The following MEF2A variants were observed in gnomAD, a reference collection of about 807,000 sequenced individuals.
MEF2A encodes myocyte enhancer factor 2A.
In MEF2A, 28 loss-of-function variants were observed where a neutral mutation model predicts 55.8. The ratio of observed to expected loss-of-function variants is 0.50; its 90% confidence interval spans 0.37 to 0.69. The LOEUF (loss-of-function observed/expected upper bound fraction) is 0.69, where lower values mean the gene tolerates loss of function less well. MEF2A is among the 30% of genes least tolerant of loss of function. The probability of loss-of-function intolerance (pLI) is 0.00; values close to 1 mark genes in which losing one functional copy is unlikely to be tolerated. For synonymous variants in MEF2A, 239 were observed against 227.1 expected (o/e 1.05, Z -0.47); for missense variants, 528 against 626.2 (o/e 0.84, Z 1.67).
intron 4 of MEF2A, among the ~76,000 whole-genome samples, chr15:99,646,141 T>C (rs908775595): frequency 1.3e-5 from 2 of 152,174 alleles, no homozygotes; most frequent in African/African-American, 4.8e-5. Context: ...CTCACAACTT[T>C]AAACACTTAA....
chr15:99,708,783 C>G (rs552761500), intron 10 of MEF2A, among the ~76,000 whole-genome samples: 1 of 152,118 alleles, frequency 6.6e-6, no homozygotes, highest in Non-Finnish European at 1.5e-5. Context: ...TGTCTCAGCT[C>G]GGACAGGAAG....
intron 8 of MEF2A, among the ~76,000 whole-genome samples, chr15:99,700,508 T>C (rs1178688700): frequency 6.6e-6 from 1 of 151,512 alleles, no homozygotes; most frequent in African/African-American, 2.4e-5. Context: ...CGAGACCCTG[T>C]CACACACACA....
intron 6 of MEF2A, 135 bp from the exon 7 acceptor site, chr15:99,675,264 T>G: frequency 7.8e-6 from 6 of 769,330 alleles, no homozygotes; most frequent in East Asian, 2.6e-5. Context: ...AACTTCAGAC[T>G]GAGCTAGTTT....
chr15:99,660,474 C>A (rs538229540), intron 4 of MEF2A, among the ~76,000 whole-genome samples: 1 of 152,198 alleles, frequency 6.6e-6, no homozygotes, highest in South Asian at 2.1e-4. Flanking sequence ...CCCACATAAT[C>A]TTCGTACTCT....
intron 1 of MEF2A, among the ~76,000 whole-genome samples, chr15:99,577,773 AT>A (rs986002375): frequency 4.0e-5 from 6 of 151,712 alleles, no homozygotes; most frequent in Admixed American, 2.6e-4. Flanking sequence ...ATATTAACTC[AT>A]TTTTTTTGTT....
At chr15:99,694,026 A>G (rs997498882) in intron 8 of MEF2A, among the ~76,000 whole-genome samples, 3 of 152,150 alleles carry the variant, frequency 2.0e-5, no homozygotes, top group African/African-American at 7.2e-5. Context: ...TGAAATTCGC[A>G]ATTTATTCAG....
intron 2 of MEF2A, among the ~76,000 whole-genome samples, chr15:99,608,174 A>G (rs1457494570): frequency 6.6e-6 from 1 of 152,240 alleles, no homozygotes; most frequent in African/African-American, 2.4e-5. Context: ...CCCAACTTAA[A>G]AAAACTTTGA....
rs751428332 is a variant in MEF2A, at chr15:99,716,188, T to A, written c.*3417T>A. On this transcript the variant is annotated 3_prime_UTR_variant, in exon 12 of 12. Coordinates refer to ENST00000557942, the MANE Select transcript of MEF2A (RefSeq NM_001319206.4). ...TTTGCTATATTTAAAATGGCTTTTT[T>A]AAAAGAGATTTATGTATTTGGTAAA... 2.9e-4 allele frequency: 53 copies of A among 184,110 alleles called. No individual in the cohort carries two copies. The highest frequency in any genetic ancestry group is 5.4e-4 in the Non-Finnish European group (46 of 85,578). 11.4% of individuals were successfully genotyped at this position (184,110 alleles called of 1,614,324 possible). A position where few individuals can be genotyped will look rare whatever the true frequency, so the allele number is the denominator to read the frequency against.
intron 2 of MEF2A, among the ~76,000 whole-genome samples, chr15:99,617,291 A>G (rs990562369): frequency 7.1e-6 from 1 of 140,844 alleles, no homozygotes; most frequent in African/African-American, 2.6e-5. Context: ...GTCTGTATTT[A>G]TTTGTAAGGT....
At chr15:99,633,247 G>T in intron 3 of MEF2A, 74 bp downstream of exon 3, 6 of 1,061,404 alleles carry the variant, frequency 5.7e-6, no homozygotes, top group South Asian at 2.1e-5. Context: ...AGAATGGTTG[G>T]GTTTTTCTTA....
chr15:99,657,496 TC>T (rs2047938775), intron 4 of MEF2A: 1 of 151,992 alleles, frequency 6.6e-6, no homozygotes, highest in South Asian at 2.1e-4. Context: ...TTTTACGTTA[TC>T]AAAGAGCTCA....
intron 7 of MEF2A, among the ~76,000 whole-genome samples, chr15:99,675,768 TG>T (rs1327949482): frequency 2.6e-5 from 4 of 152,204 alleles, no homozygotes; most frequent in Non-Finnish European, 4.4e-5. Context: ...CCGGGCGTCG[TG>T]GCTCACACCT....
chr15:99,570,461 A>C (rs1961711374), intron 1 of MEF2A, among the ~76,000 whole-genome samples: 2 of 152,226 alleles, frequency 1.3e-5, no homozygotes, highest in Admixed American at 6.5e-5. Flanking sequence ...TCTCACCATT[A>C]TTAAAATTAT....
At chr15:99,628,300 TC>T (rs1439070416) in intron 2 of MEF2A, among the ~76,000 whole-genome samples, 3 of 152,202 alleles carry the variant, frequency 2.0e-5, no homozygotes, top group Non-Finnish European at 4.4e-5. Context: ...GGTGTGTCTT[TC>T]ACTATGCTTT....
intron 4 of MEF2A, among the ~76,000 whole-genome samples, chr15:99,657,127 A>T (rs1295114593): frequency 6.6e-6 from 1 of 152,124 alleles, no homozygotes; most frequent in Non-Finnish European, 1.5e-5. Context: ...TAGCTGTATC[A>T]GTCCTTCATT....
chr15:99,639,070 A>G (rs545321246), intron 3 of MEF2A, among the ~76,000 whole-genome samples: 2 of 152,292 alleles, frequency 1.3e-5, no homozygotes, highest in South Asian at 4.1e-4. Context: ...TTTAAAAATA[A>G]AAGTTTTTTC....
chr15:99,697,994 G>A lies in MEF2A; in HGVS notation c.859-5368G>A, dbSNP rs535164172. Among the ~76,000 whole-genome samples, 15 of 152,254 alleles carry A rather than the reference G, an allele frequency of 9.9e-5. No individual in the cohort carries two copies. The South Asian group carries it at 2.9e-3, about 29-fold the overall frequency. On this transcript the variant is annotated intron_variant, in intron 8 of 11. Coordinates refer to ENST00000557942, the MANE Select transcript of MEF2A (RefSeq NM_001319206.4). ...ACAGAGAAAGGATGGTGGTTACAAC[G>A]AATGGTGTTGAAACAATTCTACATC...
chr15:99,625,855 G>A (rs755772638), intron 2 of MEF2A, among the ~76,000 whole-genome samples: 3 of 151,796 alleles, frequency 2.0e-5, no homozygotes, highest in East Asian at 1.9e-4. Flanking sequence ...TTTAATATTC[G>A]GTAGAATTCA....
At chr15:99,680,863 TGTA>T (rs763825931) in intron 7 of MEF2A, among the ~76,000 whole-genome samples, 6 of 152,336 alleles carry the variant, frequency 3.9e-5, no homozygotes, top group East Asian at 1.9e-4. Context: ...ACATCTTTAT[TGTA>T]GTAAATTAGA....
Sources: gnomAD v4.1 joint callset for allele counts (sites outside exome capture counted in the v4.1 genomes callset) on GRCh38, gnomAD v4.1.1 for gene constraint, MANE v1.5 for transcripts, NCBI Gene and HGNC (gene_info 2026-07-23, HGNC 2026-07-21) for gene names.